Variants in SLC5A11 observed in about 807,000 individuals in gnomAD.
SLC5A11 encodes the protein solute carrier family 5 member 11, also known as sodium/myo-inositol cotransporter 2.
Under a neutral mutation model 69.8 loss-of-function variants are expected in SLC5A11, and 48 were observed. The ratio of observed to expected loss-of-function variants is 0.69; its 90% CI spans 0.55 to 0.87. The LOEUF is 0.87. Among genes scored for constraint, SLC5A11 ranks in the 40% least tolerant of loss-of-function variants. SLC5A11 has a pLI of 0.00. For missense variants in SLC5A11, 784 were observed against 866.1 expected (o/e 0.91, Z 1.19); for synonymous variants, 319 against 342.4 (o/e 0.93, Z 0.75).
chr16:24,861,587 G>T (rs574566278), intron 2 of SLC5A11, among the ~76,000 whole-genome samples: 1 of 135,444 alleles, frequency 7.4e-6, no homozygotes, highest in East Asian at 2.1e-4. Context: ...GAAAGAGAAA[G>T]AGAAAGGAAG....
At chr16:24,890,149 A>C (rs1016712897) in intron 8 of SLC5A11, among the ~76,000 whole-genome samples, 2 of 152,152 alleles carry the variant, frequency 1.3e-5, no homozygotes, top group African/African-American at 4.8e-5. Flanking sequence ...GCACTTCTTA[A>C]GGAAAAAGGA....
intron 10 of SLC5A11, among the ~76,000 whole-genome samples, chr16:24,906,411 G>A (rs1044659346): frequency 6.6e-6 from 1 of 151,588 alleles, no homozygotes; most frequent in African/African-American, 2.4e-5. Context: ...TCTGGGTTAC[G>A]ATAACAATAG....
intron 6 of SLC5A11, chr16:24,877,036 A>G (rs1836933666): frequency 2.9e-6 from 4 of 1,356,870 alleles, no homozygotes; most frequent in Non-Finnish European, 3.8e-6. Context: ...AAGCAGAAGC[A>G]GGAAGACCAT....
chr16:24,909,554 T>G (rs1216237535), intron 14 of SLC5A11, among the ~76,000 whole-genome samples: 1 of 147,174 alleles, frequency 6.8e-6, no homozygotes, highest in African/African-American at 2.5e-5. Context: ...GTGGGAGGAT[T>G]GCCAGAGCCC....
At chr16:24,901,178 T>C (rs1268080486) in intron 10 of SLC5A11, among the ~76,000 whole-genome samples, 1 of 152,184 alleles carries the variant, frequency 6.6e-6, no homozygotes, top group Non-Finnish European at 1.5e-5. Flanking sequence ...TTAAAGCAGC[T>C]CCTGGCACAC....
At chr16:24,911,457 T>C (rs2050521856) in exon 16 of SLC5A11, 3 of 1,614,114 alleles carry the variant, frequency 1.9e-6, no homozygotes, top group Non-Finnish European at 2.5e-6. Flanking sequence ...GAAAACCCCT[T>C]GGTGAAGACC....
chr16:24,886,761 C>G (rs1184270235), intron 8 of SLC5A11, among the ~76,000 whole-genome samples: 1 of 151,962 alleles, frequency 6.6e-6, no homozygotes, highest in East Asian at 1.9e-4. Flanking sequence ...CCAGCCTGGA[C>G]AACAAAGCAA....
chr16:24,880,667 T>G (rs1397731752), intron 7 of SLC5A11, among the ~76,000 whole-genome samples: 1 of 151,934 alleles, frequency 6.6e-6, no homozygotes, highest in African/African-American at 2.4e-5. Context: ...CCAATTCTCA[T>G]GAGAACTCTA....
At chr16:24,847,397 G>C (rs57845603) in intron 1 of SLC5A11, among the ~76,000 whole-genome samples, 1,693 of 143,908 alleles carry the variant, frequency 0.012, 21 homozygotes, top group African/African-American at 0.036. Flanking sequence ...CTCTCTCTCT[G>C]TGTGTGTTTT....
chr16:24,894,725 G>A (rs558887686), intron 9 of SLC5A11, among the ~76,000 whole-genome samples: 3 of 152,038 alleles, frequency 2.0e-5, no homozygotes, highest in South Asian at 2.1e-4. Flanking sequence ...AGCTGAACCC[G>A]GGAGGCGGAG....
At chr16:24,902,181 T>G (rs999533270) in intron 10 of SLC5A11, among the ~76,000 whole-genome samples, 1 of 152,052 alleles carries the variant, frequency 6.6e-6, no homozygotes, top group African/African-American at 2.4e-5. Flanking sequence ...CAAGGAGATA[T>G]CAAAAAGAAT....
chr16:24,847,277 TTC>T (rs1322520239), intron 1 of SLC5A11, among the ~76,000 whole-genome samples: 4 of 150,914 alleles, frequency 2.7e-5, no homozygotes, highest in African/African-American at 4.9e-5. Flanking sequence ...ACCTCTCTGT[TTC>T]TCTTTCTTTT....
At chr16:24,877,076 C>T (rs958724815) in intron 6 of SLC5A11, 182 bp from the exon 8 acceptor site, 1 of 1,455,852 alleles carries the variant, frequency 6.9e-7, no homozygotes, top group Admixed American at 2.3e-5. Context: ...GCCCAGGGCC[C>T]ACAGGGCTCC....
chr16:24,885,654 C>T (rs2048344007), intron 8 of SLC5A11, among the ~76,000 whole-genome samples: 1 of 30,994 alleles, frequency 3.2e-5, no homozygotes, highest in Non-Finnish European at 5.5e-5. Context: ...GAGACCCTGT[C>T]TCAAAAAAAA....
rs116709514 is a variant in SLC5A11 at position 24,872,140 on chromosome 16, G to T, written c.313-20G>T. ...TGTTGTGAGCTGGGGGCCAAGTCCT[G>T]ACTGTGTTTTCTTGAGCAGGGCTTG... On this transcript the variant is annotated intron_variant, in intron 4 of 15. Coordinates refer to ENST00000347898, the Ensembl canonical transcript of SLC5A11. The T allele has an allele frequency of 1.7e-3, 2,699 of 1,614,110 alleles. 37 individuals are homozygous for T. In the African/African-American group the frequency reaches 0.029, roughly 17 times the overall value.
intron 1 of SLC5A11, among the ~76,000 whole-genome samples, chr16:24,848,125 G>T (rs995611235): frequency 6.6e-6 from 1 of 152,194 alleles, no homozygotes; most frequent in Non-Finnish European, 1.5e-5. Flanking sequence ...AGCATCCCAG[G>T]CAGAGGGAAC....
At chr16:24,904,788 AAACTTT>A (rs2152412334) in intron 10 of SLC5A11, among the ~76,000 whole-genome samples, 1 of 152,266 alleles carries the variant, frequency 6.6e-6, no homozygotes, top group African/African-American at 2.4e-5. Context: ...TTTTTTCATT[AAACTTT>A]AAGTTCTGGG....
chr16:24,909,643 CAAA>C (rs35334841), intron 14 of SLC5A11, among the ~76,000 whole-genome samples: 54 of 48,904 alleles, frequency 1.1e-3, no homozygotes, highest in African/African-American at 4.4e-3. Flanking sequence ...CCCTGTCTCA[CAAA>C]AAAAAAAAAA....
In SLC5A11 at chr16:24,862,588, C is replaced by CCT; in HGVS notation, c.136-13_136-12insCT. ...ACGTCTTCCCTCACCCACCTCTCTT[C>CCT]TTTTTTTTTCAGTCCACAGTGAAGA... is the stretch of plus-strand genomic sequence containing the variant. On this transcript the variant is annotated splice_polypyrimidine_tract_variant and intron_variant, in intron 2 of 15. Coordinates refer to ENST00000347898, the Ensembl canonical transcript of SLC5A11. 36 of 1,541,478 alleles carry CCT rather than the reference C, an allele frequency of 2.3e-5. No individual in the cohort carries two copies. Among genetic ancestry groups the CCT allele is most frequent in the South Asian group, 3.5e-5 (3 of 86,066 alleles).
Sources: gnomAD v4.1 joint callset for allele counts (sites outside exome capture counted in the v4.1 genomes callset) on GRCh38, gnomAD v4.1.1 for gene constraint, MANE v1.5 for transcripts, NCBI Gene and HGNC (gene_info 2026-07-23, HGNC 2026-07-21) for gene names.